Variants in NAA50 observed in about 807,000 individuals in gnomAD.
NAA50 encodes the protein N-alpha-acetyltransferase 50, NatE catalytic subunit, also known as N-alpha-acetyltransferase 50.
Under a neutral mutation model 20.7 loss-of-function variants are expected in NAA50, and 7 were observed. The observed-to-expected ratio is 0.34, with a 90% CI of 0.19 to 0.63. The LOEUF (loss-of-function observed/expected upper bound fraction) is 0.63, where lower values mean the gene tolerates loss of function less well. NAA50 is among the 30% of genes least tolerant of loss of function. The pLI, the probability that NAA50 is intolerant of heterozygous loss-of-function variation, is 0.75. For synonymous variants in NAA50, 54 were observed against 70.6 expected (o/e 0.77, Z 1.18); for missense variants, 111 against 199.1 (o/e 0.56, Z 2.66).
chr3:113,739,604 G>A (rs1362468119), intron 1 of NAA50: 1 of 152,230 alleles, frequency 6.6e-6, no homozygotes, highest in South Asian at 2.1e-4. Flanking sequence ...ACTAGCTCAA[G>A]AAAGATGAAT....
At chr3:113,744,996 G>C (rs953147610) in intron 1 of NAA50, among the ~76,000 whole-genome samples, 10 of 152,156 alleles carry the variant, frequency 6.6e-5, no homozygotes, top group Admixed American at 6.5e-4. Context: ...AACAAACTAT[G>C]GCATCGCAGA....
chr3:113,723,496 T>C lies in NAA50; in HGVS notation c.191A>G (p.Asp64Gly). The change falls in exon 3 of 5, where the codon GAT becomes GGT. Residue 64 changes from aspartate (D) to glycine (G), a missense_variant. By Grantham distance (94) the Asp-to-Gly change is moderately conservative. Coordinates refer to ENST00000240922, the MANE Select transcript of NAA50 (RefSeq NM_025146.4). ...AAGTCTCTTCTGATTCTGTGAATGA[T>C]CCACCCTACAGCATACTGCACCTAC... ...IAVGAVCCRV[D>G]HSQNQKRLYI... is the part of the protein sequence containing the mutation. 6.2e-7 allele frequency: 1 copy of C among 1,613,084 alleles called. No homozygotes were observed. The highest frequency in any genetic ancestry group is 8.5e-7 in the Non-Finnish European group (1 of 1,179,446).
rs545594560 is a variant in NAA50, at chr3:113,742,312, AAT to A, written c.8+3628_8+3629del. Among the ~76,000 whole-genome samples the A allele has an allele frequency of 7.9e-5, 12 of 152,244 alleles. No homozygotes were observed. The South Asian group carries it at 2.5e-3, about 32-fold the overall frequency. On this transcript the variant is annotated intron_variant, in intron 1 of 4. Transcript: ENST00000240922. ...GTTTTCGCTCTGTTGCCCAGGCTGA[AAT>A]ATAGTGACAAGATCATGGCTCTCTG... is the stretch of plus-strand genomic sequence containing the variant.
At position 113,746,107 on chromosome 3, in the gene NAA50, G is replaced by C. The variant is rs1708496106; in HGVS notation, c.-158C>G. 1 of 920,292 alleles carries C rather than the reference G, an allele frequency of 1.1e-6. No homozygotes were observed. The highest frequency in any genetic ancestry group is 1.6e-5 in the South Asian group (1 of 61,960). 57.0% of individuals were successfully genotyped at this position (920,292 alleles called of 1,614,324 possible). A position where few individuals can be genotyped will look rare whatever the true frequency, so the allele number is the denominator to read the frequency against. ...GCGAGCAACGAAGGCCGCGAGAGTC[G>C]AGTGAGGGCTTGAGTCTGGTGGGGG... On this transcript the variant is annotated 5_prime_UTR_variant, in exon 1 of 5. Transcript: ENST00000240922.
intron 1 of NAA50, among the ~76,000 whole-genome samples, chr3:113,730,440 T>C (rs1708257684): frequency 6.6e-6 from 1 of 151,408 alleles, no homozygotes; most frequent in African/African-American, 2.4e-5. Flanking sequence ...ATTCCTTGGC[T>C]TTCGGAAAAA....
intron 1 of NAA50, among the ~76,000 whole-genome samples, chr3:113,733,151 A>G (rs1385912247): frequency 6.6e-6 from 1 of 152,078 alleles, no homozygotes; most frequent in African/African-American, 2.4e-5. Context: ...GTGAGTTGTA[A>G]GAGTTCTTTA....
chr3:113,744,480 TGAAAA>T (rs1341050801), intron 1 of NAA50, among the ~76,000 whole-genome samples: 1 of 143,484 alleles, frequency 7.0e-6, no homozygotes, highest in Non-Finnish European at 1.5e-5. Context: ...AAAAAAAAAA[TGAAAA>T]GAACAAAACA....
At chr3:113,733,062 T>C (rs994836652) in intron 1 of NAA50, among the ~76,000 whole-genome samples, 3 of 151,746 alleles carry the variant, frequency 2.0e-5, no homozygotes, top group Admixed American at 6.6e-5. Context: ...CTCTTGCCCA[T>C]GGTTTAGCCC....
Position 113,721,524 on chromosome 3 carries a change from C to T in NAA50, c.*236G>A. On this transcript the variant is annotated 3_prime_UTR_variant, in exon 5 of 5. Coordinates refer to ENST00000240922, the MANE Select transcript of NAA50 (RefSeq NM_025146.4). ...TCAACTGCAAAACTAAACAGATCTA[C>T]CTTGTCCTTCCTTCAAACCACCTCA... 1 of 553,946 alleles carries T rather than the reference C, an allele frequency of 1.8e-6. No homozygotes were observed. The highest frequency in any genetic ancestry group is 3.2e-6 in the Non-Finnish European group (1 of 313,430). The allele number at this position is 553,946 out of a possible 1,614,324, so 34.3% of individuals were successfully genotyped here. A position where few individuals can be genotyped will look rare whatever the true frequency, so the allele number is the denominator to read the frequency against.
intron 1 of NAA50, among the ~76,000 whole-genome samples, chr3:113,744,675 G>A (rs1708465307): frequency 6.6e-6 from 1 of 152,142 alleles, no homozygotes; most frequent in Non-Finnish European, 1.5e-5. Flanking sequence ...ACTGTGAATA[G>A]TTCATGGTTC....
Position 113,737,437 on chromosome 3 carries a change from G to C in NAA50, c.8+8505C>G, listed in dbSNP as rs538539734. Among the ~76,000 whole-genome samples the C allele has an allele frequency of 1.3e-4, 20 of 152,254 alleles. No homozygotes were observed. In the South Asian group the frequency reaches 4.1e-3, roughly 32 times the overall value. ...AAGCCCATTCAGAATTTATCACACA[G>C]TTTCAACACTAACTGCTCATGAGGT... On this transcript the variant is annotated intron_variant, in intron 1 of 4. Transcript: ENST00000240922.
At position 113,721,529 on chromosome 3, in the gene NAA50, T is replaced by A; in HGVS notation, c.*231A>T. The A allele has an allele frequency of 1.8e-6, 1 of 562,842 alleles. No homozygotes were observed. The highest frequency in any genetic ancestry group is 3.1e-6 in the Non-Finnish European group (1 of 319,080). The allele number at this position is 562,842 out of a possible 1,614,324, so 34.9% of individuals were successfully genotyped here. ...TGCAAAACTAAACAGATCTACCTTG[T>A]CCTTCCTTCAAACCACCTCACAAAA... On this transcript the variant is annotated 3_prime_UTR_variant, in exon 5 of 5. Transcript: ENST00000240922.
At chr3:113,734,726 G>A (rs540610031) in intron 1 of NAA50, among the ~76,000 whole-genome samples, 1 of 152,192 alleles carries the variant, frequency 6.6e-6, no homozygotes, top group Admixed American at 6.5e-5. Context: ...CTGAATGAGT[G>A]AGCCTTCCAT....
Position 113,720,511 on chromosome 3 carries a change from G to A in NAA50, c.*1249C>T, listed in dbSNP as rs1708121855. On this transcript the variant is annotated 3_prime_UTR_variant, in exon 5 of 5. Coordinates refer to ENST00000240922, the MANE Select transcript of NAA50 (RefSeq NM_025146.4). ...TCTGGCATAAACCAGTCCTCTCAGT[G>A]GAGGAGGTCACAGTGACATTTGTAT... 1 of 152,582 alleles carries A rather than the reference G, an allele frequency of 6.6e-6. No individual in the cohort carries two copies. Among genetic ancestry groups the A allele is most frequent in the Non-Finnish European group, 1.5e-5 (1 of 68,024 alleles). 9.5% of individuals were successfully genotyped at this position (152,582 alleles called of 1,614,324 possible).
At position 113,720,934 on chromosome 3, in the gene NAA50, C is replaced by G. The variant is rs1399733540; in HGVS notation, c.*826G>C. ...GTTGGGTTTACTGAAGAAAAAGGAA[C>G]GGGAAAAAATTAAATCACAACACAC... On this transcript the variant is annotated 3_prime_UTR_variant, in exon 5 of 5. Coordinates refer to ENST00000240922, the MANE Select transcript of NAA50 (RefSeq NM_025146.4). 1 of 152,072 alleles carries G rather than the reference C, an allele frequency of 6.6e-6. No individual in the cohort carries two copies. 9.4% of individuals were successfully genotyped at this position (152,072 alleles called of 1,614,324 possible). A position where few individuals can be genotyped will look rare whatever the true frequency, so the allele number is the denominator to read the frequency against.
At chr3:113,732,616 G>A (rs911942867) in intron 1 of NAA50, among the ~76,000 whole-genome samples, 1 of 152,170 alleles carries the variant, frequency 6.6e-6, no homozygotes, top group Non-Finnish European at 1.5e-5. Context: ...TCTTTGTGGT[G>A]TGTCTGTTTC....
chr3:113,745,352 AC>A (rs1315889938), intron 1 of NAA50, among the ~76,000 whole-genome samples: 1 of 151,994 alleles, frequency 6.6e-6, no homozygotes, highest in African/African-American at 2.4e-5. Flanking sequence ...ATATGTTGGC[AC>A]CCCAAGTCTA....
At chr3:113,739,947 T>G (rs1383392696) in intron 1 of NAA50, among the ~76,000 whole-genome samples, 1 of 152,218 alleles carries the variant, frequency 6.6e-6, no homozygotes, top group African/African-American at 2.4e-5. Flanking sequence ...AAAAGTTTAG[T>G]ATTCACATTT....
In NAA50 at chr3:113,718,386, G is replaced by A. The variant is rs895390839; in HGVS notation, c.*3374C>T. ...AAGCAGCTCCTAGATTCCTGATCCA[G>A]AACTGTGGAAGGTAATACTTGTTTG... On this transcript the variant is annotated 3_prime_UTR_variant, in exon 5 of 5. Coordinates refer to ENST00000240922, the MANE Select transcript of NAA50 (RefSeq NM_025146.4). The A allele has an allele frequency of 1.2e-4, 18 of 152,342 alleles. No homozygotes were observed. The highest frequency in any genetic ancestry group is 4.3e-4 in the African/African-American group (18 of 41,556). The allele number at this position is 152,342 out of a possible 1,614,324, so 9.4% of individuals were successfully genotyped here. A position where few individuals can be genotyped will look rare whatever the true frequency, so the allele number is the denominator to read the frequency against.
Sources: allele counts gnomAD v4.1 joint callset (sites outside exome capture counted in the v4.1 genomes callset), GRCh38; gene constraint gnomAD v4.1.1; transcripts MANE v1.5; gene names NCBI Gene and HGNC (gene_info 2026-07-23, HGNC 2026-07-21).